CBFA2T3: variants seen among roughly 807,000 people sequenced by gnomAD.
CBFA2T3 encodes the protein transcriptional corepressor CBFA2T3.
A neutral mutation model predicts 58.6 loss-of-function variants in CBFA2T3; 31 were observed. The ratio of observed to expected loss-of-function variants is 0.53; its 90% confidence interval spans 0.40 to 0.71. The LOEUF (loss-of-function observed/expected upper bound fraction) is 0.71. Among genes scored for constraint, CBFA2T3 ranks in the 30% least tolerant of loss-of-function variants. The pLI is 0.00. For missense variants in CBFA2T3, 1,076 were observed against 963.1 expected, an observed-to-expected ratio of 1.12 and a Z score of -1.55; for synonymous variants, 531 against 421.9, an observed-to-expected ratio of 1.26 and a Z score of -3.17.
At chr16:88,923,865 C>T (rs1470436675) in intron 1 of CBFA2T3, among the ~76,000 whole-genome samples, 1 of 152,126 alleles carries the variant, frequency 6.6e-6, no homozygotes, top group African/African-American at 2.4e-5. Flanking sequence ...AAGGTGGGGC[C>T]GGGGGAGGAG....
chr16:88,946,763 G>A (rs1489980475), intron 1 of CBFA2T3, among the ~76,000 whole-genome samples: 1 of 151,980 alleles, frequency 6.6e-6, no homozygotes, highest in African/African-American at 2.4e-5. Context: ...TTACAGACAC[G>A]AGCCACTGCT....
chr16:88,928,725 G>A (rs1275038789), intron 1 of CBFA2T3, among the ~76,000 whole-genome samples: 1 of 152,210 alleles, frequency 6.6e-6, no homozygotes, highest in Non-Finnish European at 1.5e-5. Context: ...GACCTCGGAC[G>A]GGAGCCCAGG....
At chr16:88,935,327 G>C (rs1020693833) in intron 1 of CBFA2T3, among the ~76,000 whole-genome samples, 1 of 152,186 alleles carries the variant, frequency 6.6e-6, no homozygotes, top group Non-Finnish European at 1.5e-5. Context: ...GCAAGGGGAG[G>C]GGCCCGGCAA....
At chr16:88,913,585 A>G (rs1970596112) in intron 1 of CBFA2T3, among the ~76,000 whole-genome samples, 1 of 152,220 alleles carries the variant, frequency 6.6e-6, no homozygotes, top group Non-Finnish European at 1.5e-5. Flanking sequence ...TAGCCGAACC[A>G]GGCCTCAGAT....
intron 1 of CBFA2T3, among the ~76,000 whole-genome samples, chr16:88,952,866 C>T (rs976611965): frequency 2.0e-5 from 3 of 151,772 alleles, no homozygotes; most frequent in African/African-American, 4.8e-5. Flanking sequence ...TTCCCCCCCA[C>T]CCCCACACCC....
At position 88,875,461 on chromosome 16, in the gene CBFA2T3, C is replaced by T. The variant is rs759659453; in HGVS notation, c.*1515G>A. ...GGCAGGAGCACCAGGGCTATGTACA[C>T]GGTCAGGGTCTTCCCTGGGGAGGAG... On this transcript the variant is annotated 3_prime_UTR_variant, in exon 12 of 12. Coordinates refer to ENST00000268679, the MANE Select transcript of CBFA2T3 (RefSeq NM_005187.6). The T allele has an allele frequency of 1.3e-5, 3 of 233,086 alleles. No individual in the cohort carries two copies. The highest frequency in any genetic ancestry group is 4.4e-5 in the African/African-American group (2 of 45,138). 14.4% of individuals were successfully genotyped at this position (233,086 alleles called of 1,614,324 possible).
At position 88,878,331 on chromosome 16, in the gene CBFA2T3, G is replaced by A. The variant is rs887252418; in HGVS notation, c.1662+939C>T. Among the ~76,000 whole-genome samples, 31 of 152,330 alleles carry A rather than the reference G, an allele frequency of 2.0e-4. 1 individual carries two copies. Among genetic ancestry groups the A allele is most frequent in the Middle Eastern group, 3.4e-3 (1 of 294 alleles). On this transcript the variant is annotated intron_variant, in intron 11 of 11. Coordinates refer to ENST00000268679, the MANE Select transcript of CBFA2T3 (RefSeq NM_005187.6). ...GGAAATGGCCGGTGCAGAGACCCCT[G>A]AATCGATGGGGCTCCATCTCCTCCC...
chr16:88,910,374 T>C (rs1193923694), intron 1 of CBFA2T3, among the ~76,000 whole-genome samples: 1 of 152,188 alleles, frequency 6.6e-6, no homozygotes, highest in Non-Finnish European at 1.5e-5. Flanking sequence ...TCTTCTCTTG[T>C]GGATGCTCCC....
chr16:88,886,139 T>C lies in CBFA2T3; in HGVS notation c.715A>G (p.Asn239Asp). Residue 239 changes from asparagine (N) to aspartate (D), a missense_variant, in exon 6 of 12, where the codon AAC (asparagine) becomes GAC (aspartate). Coordinates refer to ENST00000268679, the MANE Select transcript of CBFA2T3 (RefSeq NM_005187.6). ...AGCTCCCGCTGCAGCAAGGGCAGGT[T>C]TGCCTGTGGGGTGGGGAAGGAGGGC... is the stretch of plus-strand genomic sequence containing the variant. ...RPFVIPFLKA[N>D]LPLLQRELLH... The C allele has an allele frequency of 6.5e-7, 1 of 1,536,676 alleles. No individual in the cohort carries two copies. The highest frequency in any genetic ancestry group is 8.7e-7 in the Non-Finnish European group (1 of 1,147,484).
At chr16:88,972,015 C>A (rs1972668439) in intron 1 of CBFA2T3, among the ~76,000 whole-genome samples, 1 of 152,252 alleles carries the variant, frequency 6.6e-6, no homozygotes, top group Non-Finnish European at 1.5e-5. Flanking sequence ...GGGGCCACTT[C>A]CTCCAGGAAG....
chr16:88,919,663 G>A (rs772929275), intron 1 of CBFA2T3, among the ~76,000 whole-genome samples: 11 of 152,178 alleles, frequency 7.2e-5, no homozygotes, highest in Non-Finnish European at 1.5e-4. Context: ...CAGCCTCTCC[G>A]CGGAGTCCCC....
chr16:88,935,039 CAGA>C (rs1244165588), intron 1 of CBFA2T3, among the ~76,000 whole-genome samples: 1 of 152,236 alleles, frequency 6.6e-6, no homozygotes, highest in East Asian at 1.9e-4. Context: ...CGTGCCTGGC[CAGA>C]AGGACGCATT....
chr16:88,962,183 C>A (rs1365506106), intron 1 of CBFA2T3, among the ~76,000 whole-genome samples: 1 of 152,204 alleles, frequency 6.6e-6, no homozygotes, highest in Non-Finnish European at 1.5e-5. Context: ...GCTGGGCATT[C>A]CCACTCCATA....
intron 1 of CBFA2T3, among the ~76,000 whole-genome samples, chr16:88,967,635 G>A (rs1025020929): frequency 3.3e-5 from 5 of 152,102 alleles, no homozygotes; most frequent in Non-Finnish European, 2.9e-5. Context: ...ATAAAGAAGA[G>A]GGAAGGAAGG....
chr16:88,900,616 TC>T (rs1970058906), intron 2 of CBFA2T3, among the ~76,000 whole-genome samples: 1 of 151,642 alleles, frequency 6.6e-6, no homozygotes, highest in Non-Finnish European at 1.5e-5. Context: ...CTGGGGAGGG[TC>T]CCCCAGGTAC....
intron 3 of CBFA2T3, among the ~76,000 whole-genome samples, chr16:88,895,038 T>C (rs1969830591): frequency 6.6e-6 from 1 of 152,156 alleles, no homozygotes; most frequent in Admixed American, 6.5e-5. Context: ...TGCTGAGTGT[T>C]GTGGCCTCTG....
chr16:88,952,250 A>T (rs1597784666), intron 1 of CBFA2T3, among the ~76,000 whole-genome samples: 1 of 152,330 alleles, frequency 6.6e-6, no homozygotes, highest in East Asian at 1.9e-4. Context: ...GCCGTCTATC[A>T]TTGCTGGAGC....
chr16:88,882,120 G>A (rs1050462239), intron 8 of CBFA2T3, among the ~76,000 whole-genome samples: 1 of 152,262 alleles, frequency 6.6e-6, no homozygotes, highest in African/African-American at 2.4e-5. Flanking sequence ...GGGCTGCGCT[G>A]ACAGCTGGGA....
rs1972877557 is a variant in CBFA2T3 at position 88,976,867 on chromosome 16, C to G, written c.-60G>C. ...CAGGACAGGCCTCTACCAGGACTGC[C>G]TTTCCCGACCTCCTGCAGCCTTGAG... On this transcript the variant is annotated 5_prime_UTR_variant, in exon 1 of 12. Coordinates refer to ENST00000268679, the MANE Select transcript of CBFA2T3 (RefSeq NM_005187.6). The G allele has an allele frequency of 6.7e-6, 10 of 1,500,164 alleles. No individual in the cohort carries two copies. The highest frequency in any genetic ancestry group is 9.0e-6 in the Non-Finnish European group (10 of 1,113,082). 92.9% of individuals were successfully genotyped at this position (1,500,164 alleles called of 1,614,324 possible).
Sources: allele counts gnomAD v4.1 joint callset (sites outside exome capture counted in the v4.1 genomes callset), GRCh38; gene constraint gnomAD v4.1.1; transcripts MANE v1.5; gene names NCBI Gene and HGNC (gene_info 2026-07-23, HGNC 2026-07-21).